Variants in NOTUM observed in about 807,000 individuals in gnomAD.
NOTUM encodes palmitoleoyl-protein carboxylesterase NOTUM.
Under a neutral mutation model 65.5 loss-of-function variants are expected in NOTUM, and 36 were observed. The ratio of observed to expected loss-of-function variants is 0.55; its 90% CI spans 0.42 to 0.73. NOTUM has a LOEUF of 0.73. Among genes scored for constraint, NOTUM ranks in the 30% least tolerant of loss-of-function variants. The probability of loss-of-function intolerance (pLI) is 0.00; values close to 1 mark genes in which losing one functional copy is unlikely to be tolerated. For synonymous variants in NOTUM, 356 were observed against 297.9 expected, an observed-to-expected ratio of 1.20 and a Z score of -2.01; for missense variants, 659 against 694.2, an observed-to-expected ratio of 0.95 and a Z score of 0.57.
At chr17:81,959,834 C>CG (rs2041460751) in intron 1 of NOTUM, 142 bp from the exon 2 acceptor site, 2 of 315,158 alleles carry the variant, frequency 6.3e-6, no homozygotes, top group South Asian at 2.9e-4. Context: ...GCCAGGCCCA[C>CG]GGGGAGCTCA....
rs2041401731 is a variant in NOTUM, at chr17:81,953,287, G to GC, written c.1185-21_1185-20insG. On this transcript the variant is annotated intron_variant, in intron 10 of 10. Coordinates refer to ENST00000409678, the MANE Select transcript of NOTUM (RefSeq NM_178493.6). ...CAGTGGCTGCAGAGGAAAACCGGGG[G>GC]AGGGGGTCACATGTGCGGAGTGGCA... is the stretch of plus-strand genomic sequence containing the variant. The GC allele has an allele frequency of 6.5e-7, 1 of 1,534,674 alleles. No individual in the cohort carries two copies. Among genetic ancestry groups the GC allele is most frequent in the Non-Finnish European group, 8.9e-7 (1 of 1,128,486 alleles).
In NOTUM at chr17:81,960,982, G is replaced by T. The variant is rs1480959905; in HGVS notation, c.-73C>A. The T allele has an allele frequency of 2.4e-6, 2 of 831,444 alleles. No homozygotes were observed. Among genetic ancestry groups the T allele is most frequent in the East Asian group, 9.6e-5 (2 of 20,904 alleles). 51.5% of individuals were successfully genotyped at this position (831,444 alleles called of 1,614,324 possible). On this transcript the variant is annotated 5_prime_UTR_variant, in exon 1 of 11. Transcript: ENST00000409678. This position sits in a 1 kb window ranked among gnomAD's most constrained non-coding sequence, Gnocchi z 6.4. Reference sequence around the variant, plus strand: ...GGCGGCGGGGGATGCCGGGCCGGGGGTGCCGGGCCGGGGGTGTCGGGGGCA... The same window carrying T: ...GGCGGCGGGGGATGCCGGGCCGGGGTTGCCGGGCCGGGGGTGTCGGGGGCA...
In NOTUM at chr17:81,953,154, G is replaced by C; in HGVS notation, c.1298C>G (p.Pro433Arg). The C allele has an allele frequency of 1.2e-6, 2 of 1,613,224 alleles. No individual in the cohort carries two copies. The highest frequency in any genetic ancestry group is 1.7e-6 in the Non-Finnish European group (2 of 1,179,504). The change falls in exon 11 of 11, where the codon CCC (proline) becomes CGC (arginine). Residue 433 changes from proline to arginine, a missense_variant. By Grantham distance (103) the Pro-to-Arg change is moderately radical (BLOSUM62 -2). Transcript: ENST00000409678. ...KASKTPLKGC[P>R]VHLVDSCPWP... Reference sequence around the variant, plus strand: ...GGGGCAGCTGTCCACCAGGTGGACGGGGCAGCCCTTGAGGGGGGTCTTGCT... The same window carrying C: ...GGGGCAGCTGTCCACCAGGTGGACGCGGCAGCCCTTGAGGGGGGTCTTGCT...
Position 81,959,522 on chromosome 17 carries a change from C to G in NOTUM, c.421G>C (p.Asp141His), listed in dbSNP as rs756457765. 2.6e-6 allele frequency: 4 copies of G among 1,549,154 alleles called. No individual in the cohort carries two copies. In the Admixed American group the frequency reaches 7.8e-5, roughly 30 times the overall value. ...GAGCTCATGAGGCGCCGCATGGTGT[C>G]GTATCTGGAGTCGCAGTTCTCGCGG... is the stretch of plus-strand genomic sequence containing the variant. Reference protein sequence around the residue: ...FNRENCDSRYDTMRRLMSSRD... With the variant: ...FNRENCDSRYHTMRRLMSSRD... The change falls in exon 3 of 11, where the codon GAC becomes CAC. Residue 141 changes from aspartate (D) to histidine (H), a missense_variant. Physicochemically the swap from Asp to His is moderately conservative, Grantham distance 81. Transcript: ENST00000409678.
At chr17:81,958,626 C>G (rs1192403411) in intron 4 of NOTUM, among the ~76,000 whole-genome samples, 1 of 151,150 alleles carries the variant, frequency 6.6e-6, no homozygotes, top group Non-Finnish European at 1.5e-5. Context: ...ACAGGACCCC[C>G]CAGGAAAGAA....
intron 10 of NOTUM, among the ~76,000 whole-genome samples, chr17:81,953,921 C>T (rs370635604): frequency 2.0e-5 from 3 of 152,186 alleles, no homozygotes; most frequent in African/African-American, 7.2e-5. Context: ...AGCTGGATTA[C>T]AGGCACCCGC....
intron 2 of NOTUM, 30 bp from the exon 3 acceptor site, chr17:81,959,596 G>A (rs1309384090): frequency 1.3e-6 from 2 of 1,546,480 alleles, no homozygotes; most frequent in South Asian, 1.2e-5. Context: ...TCAGGCCCGC[G>A]CGCACAGACC....
chr17:81,957,786 CCCTGCCCCG>C lies in NOTUM; in HGVS notation c.695+11_695+19del, dbSNP rs779413595. Reference sequence around the variant, plus strand: ...CACCGTCCTCACCCCTCACCTCCAGCCCTGCCCCGCCCTGCCCACCTGCTCCCGGCCAGC... The same window carrying C: ...CACCGTCCTCACCCCTCACCTCCAGCCCCTGCCCACCTGCTCCCGGCCAGC... On this transcript the variant is annotated intron_variant, in intron 6 of 10. Transcript: ENST00000409678. 6.4e-7 allele frequency: 1 copy of C among 1,561,364 alleles called. No homozygotes were observed. Among genetic ancestry groups the C allele is most frequent in the South Asian group, 1.2e-5 (1 of 86,256 alleles).
Position 81,952,777 on chromosome 17 carries a change from G to A in NOTUM, c.*184C>T, listed in dbSNP as rs1056236833. On this transcript the variant is annotated 3_prime_UTR_variant, in exon 11 of 11. Coordinates refer to ENST00000409678, the MANE Select transcript of NOTUM (RefSeq NM_178493.6). ...GGATGACAGCAGGTCCCTTGTCTCT[G>A]GCTGGGCTGTGGGAGAGGGGCAGGG... The A allele has an allele frequency of 1.6e-6, 1 of 610,940 alleles. No homozygotes were observed. Among genetic ancestry groups the A allele is most frequent in the African/African-American group, 1.8e-5 (1 of 54,412 alleles). 37.8% of individuals were successfully genotyped at this position (610,940 alleles called of 1,614,324 possible).
At chr17:81,957,183 G>A (rs890211185) in intron 6 of NOTUM, 109 bp from the exon 7 acceptor site, 8 of 833,650 alleles carry the variant, frequency 9.6e-6, no homozygotes, top group Admixed American at 2.6e-5. Context: ...GTCCTGATGC[G>A]TTCTGAACTG....
rs2041463732 is a variant in NOTUM, at chr17:81,960,150, T to C, written c.323+437A>G. Among the ~76,000 whole-genome samples, 2 of 151,900 alleles carry C rather than the reference T, an allele frequency of 1.3e-5. No homozygotes were observed. Among genetic ancestry groups the C allele is most frequent in the African/African-American group, 4.8e-5 (2 of 41,380 alleles). The stretch of plus-strand genomic sequence containing the variant: ...GCCCAAGTCTCCCGCTGTCCCCGGC[T>C]GTCCTCGGCCTGTTGAGCGCGTGGG... On this transcript the variant is annotated intron_variant, in intron 1 of 10. Coordinates refer to ENST00000409678, the MANE Select transcript of NOTUM (RefSeq NM_178493.6). This position sits in a 1 kb window ranked among gnomAD's most constrained non-coding sequence, Gnocchi z 6.4.
chr17:81,952,891 G>A lies in NOTUM; in HGVS notation c.*70C>T. ...AAGAGACGGGAGGGCCTGCTGGTGG[G>A]GGGTGAGGTGGCACTGGGGCAGCGG... On this transcript the variant is annotated 3_prime_UTR_variant, in exon 11 of 11. Transcript: ENST00000409678. The A allele has an allele frequency of 7.3e-7, 1 of 1,368,456 alleles. No homozygotes were observed. The highest frequency in any genetic ancestry group is 1.0e-6 in the Non-Finnish European group (1 of 970,642). The allele number at this position is 1,368,456 out of a possible 1,614,324, so 84.8% of individuals were successfully genotyped here. A position where few individuals can be genotyped will look rare whatever the true frequency, so the allele number is the denominator to read the frequency against.
chr17:81,955,122 G>A (rs1468293345), intron 9 of NOTUM, among the ~76,000 whole-genome samples: 1 of 152,128 alleles, frequency 6.6e-6, no homozygotes, highest in East Asian at 1.9e-4. Context: ...TGGGATTACA[G>A]GCGCCTGCCA....
At chr17:81,954,814 A>C (rs145776023) in intron 9 of NOTUM, among the ~76,000 whole-genome samples, 1,541 of 151,694 alleles carry the variant, frequency 0.01, 23 homozygotes, top group African/African-American at 0.036. Context: ...ACACGGTTTC[A>C]CCATGTTGCC....
intron 10 of NOTUM, 125 bp downstream of exon 10, chr17:81,954,131 A>G: frequency 2.9e-6 from 2 of 682,544 alleles, no homozygotes; most frequent in Admixed American, 2.3e-5. Flanking sequence ...TGGCACCCCT[A>G]TAAGGAAATC....
Position 81,959,703 on chromosome 17 carries a change from G to A in NOTUM, c.324-11C>T. The A allele has an allele frequency of 2.0e-6, 3 of 1,465,690 alleles. No homozygotes were observed. Among genetic ancestry groups the A allele is most frequent in the Non-Finnish European group, 2.7e-6 (3 of 1,105,920 alleles). The allele number at this position is 1,465,690 out of a possible 1,614,324, so 90.8% of individuals were successfully genotyped here. A position where few individuals can be genotyped will look rare whatever the true frequency, so the allele number is the denominator to read the frequency against. The stretch of plus-strand genomic sequence containing the variant: ...TCCTTCAGGTAGTAGCTGCGGGGGA[G>A]GACGCACCGCGGGGGGTCGGCCAGG... On this transcript the variant is annotated splice_polypyrimidine_tract_variant and intron_variant, in intron 1 of 10. Coordinates refer to ENST00000409678, the MANE Select transcript of NOTUM (RefSeq NM_178493.6).
chr17:81,953,065 C>T lies in NOTUM; in HGVS notation c.1387G>A (p.Val463Met), dbSNP rs562979960. 8 of 1,613,922 alleles carry T rather than the reference C, an allele frequency of 5.0e-6. No homozygotes were observed. The highest frequency in any genetic ancestry group is 2.2e-5 in the East Asian group (1 of 44,890). ...CCCATGTGCATGAGGAACTGGGCCA[C>T]GTTCATCTCTTGCCCCGTGAACTGG... ...RDQFTGQEMN[V>M]AQFLMHMGFD... Residue 463 changes from valine (V) to methionine (M), a missense_variant, in exon 11 of 11, where the codon GTG becomes ATG. Coordinates refer to ENST00000409678, the MANE Select transcript of NOTUM (RefSeq NM_178493.6).
At chr17:81,959,061 C>A in intron 3 of NOTUM, 66 bp from the exon 4 acceptor site, 1 of 1,389,326 alleles carries the variant, frequency 7.2e-7, no homozygotes, top group Non-Finnish European at 1.0e-6. Context: ...GTCTGGGAAC[C>A]CTGGTGAGGT....
At position 81,960,578 on chromosome 17, in the gene NOTUM, G is replaced by T; in HGVS notation, c.323+9C>A. 1 of 1,482,754 alleles carries T rather than the reference G, an allele frequency of 6.7e-7. No individual in the cohort carries two copies. The highest frequency in any genetic ancestry group is 9.1e-7 in the Non-Finnish European group (1 of 1,102,942). The allele number at this position is 1,482,754 out of a possible 1,614,324, so 91.8% of individuals were successfully genotyped here. On this transcript the variant is annotated intron_variant, in intron 1 of 10. Transcript: ENST00000409678. The surrounding 1 kb of genome is among the most constrained non-coding windows in gnomAD (Gnocchi z 6.4). ...GGCGGGGCGGGGAGGTGCAGGGCGC[G>T]GGCCTTACCCGGCGGGGCTGCCGTC... is the stretch of plus-strand genomic sequence containing the variant.
Sources: allele counts gnomAD v4.1 joint callset (sites outside exome capture counted in the v4.1 genomes callset), GRCh38; gene constraint gnomAD v4.1.1; non-coding constraint Gnocchi (gnomAD v3.1); transcripts MANE v1.5; gene names NCBI Gene and HGNC (gene_info 2026-07-23, HGNC 2026-07-21).